PCCA: variants seen among roughly 807,000 people sequenced by gnomAD.
PCCA encodes propionyl-CoA carboxylase alpha chain, mitochondrial.
In PCCA, 74 loss-of-function variants were observed where a neutral mutation model predicts 101.3. That is an observed-to-expected ratio of 0.73 (90% CI 0.61 to 0.89). The LOEUF (loss-of-function observed/expected upper bound fraction) is 0.89. PCCA is among the 40% of genes least tolerant of loss of function. The pLI, the probability that PCCA is intolerant of heterozygous loss-of-function variation, is 0.00. For missense variants in PCCA, 891 were observed against 907.0 expected, an observed-to-expected ratio of 0.98 and a Z score of 0.23; for synonymous variants, 294 against 313.6, an observed-to-expected ratio of 0.94 and a Z score of 0.66.
intron 12 of PCCA, among the ~76,000 whole-genome samples, chr13:100,276,035 G>A (rs901961355): frequency 6.6e-6 from 1 of 151,794 alleles, no homozygotes; most frequent in African/African-American, 2.4e-5. Flanking sequence ...TTTGTTGACA[G>A]CCAATGACTT....
intron 12 of PCCA, among the ~76,000 whole-genome samples, chr13:100,300,715 G>T (rs1460501323): frequency 1.3e-5 from 2 of 152,230 alleles, no homozygotes; most frequent in Non-Finnish European, 2.9e-5. Flanking sequence ...CCAAGTTTAT[G>T]TTGACATGTA....
At chr13:100,185,395 G>A (rs1210954449) in intron 6 of PCCA, among the ~76,000 whole-genome samples, 2 of 151,324 alleles carry the variant, frequency 1.3e-5, no homozygotes, top group East Asian at 1.9e-4. Flanking sequence ...TGTCTCCCAG[G>A]CTGGAGTGCA....
At chr13:100,522,855 C>T (rs1028836101) in intron 22 of PCCA, among the ~76,000 whole-genome samples, 1 of 152,220 alleles carries the variant, frequency 6.6e-6, no homozygotes, top group African/African-American at 2.4e-5. Context: ...ACTGTGCAGT[C>T]ATCCTTTACA....
chr13:100,269,341 G>A lies in PCCA; in HGVS notation c.914+558G>A, dbSNP rs972595964. On this transcript the variant is annotated intron_variant, in intron 11 of 23. Coordinates refer to ENST00000376285, the MANE Select transcript of PCCA (RefSeq NM_000282.4). ...GAGAAAGTTGGGTAGACAGCCAACTGTGACTTCTGCAGGCTTCTAGGAAGT... is the reference window on the plus strand; with the variant it reads ...GAGAAAGTTGGGTAGACAGCCAACTATGACTTCTGCAGGCTTCTAGGAAGT... 1.1e-4 allele frequency among the ~76,000 whole-genome samples: 16 copies of A among 152,314 alleles called. No homozygotes were observed. In the Middle Eastern group the frequency reaches 0.01, roughly 97 times the overall value.
At position 100,368,525 on chromosome 13, in the gene PCCA, A is replaced by C. The variant is rs750322137; in HGVS notation, c.1697A>C (p.His566Pro). ...IANWELSVKL[H>P]DKVHTVVASN... ...AACTGGGAGCTCTCAGTAAAATTGC[A>C]TGATAAAGTTCATACCGTAGTAGCA... The change falls in exon 19 of 24, where the codon CAT (histidine) becomes CCT (proline). Residue 566 changes from histidine (H) to proline (P), a missense_variant. His to Pro is a moderately conservative substitution (Grantham distance 77). Transcript: ENST00000376285. The C allele has an allele frequency of 6.2e-7, 1 of 1,611,538 alleles. No individual in the cohort carries two copies. Among genetic ancestry groups the C allele is most frequent in the African/African-American group, 1.3e-5 (1 of 74,660 alleles).
intron 17 of PCCA, 105 bp downstream of exon 17, chr13:100,330,776 A>G (rs1264458305): frequency 5.7e-6 from 4 of 706,980 alleles, no homozygotes; most frequent in African/African-American, 1.8e-5. Flanking sequence ...TTTGGCTTAT[A>G]TTATACTTCA....
intron 21 of PCCA, among the ~76,000 whole-genome samples, chr13:100,482,787 G>A (rs569843788): frequency 4.3e-4 from 66 of 152,246 alleles, no homozygotes; most frequent in African/African-American, 1.6e-3. Flanking sequence ...TTGGGAGGTC[G>A]GGGCGGGCGG....
At chr13:100,268,834 T>A (rs752117560) in intron 11 of PCCA, 51 bp downstream of exon 11, 1 of 967,016 alleles carries the variant, frequency 1.0e-6, no homozygotes, top group East Asian at 2.5e-5. Flanking sequence ...TGCATTTCAT[T>A]CATTCATTCA....
At chr13:100,361,142 G>C (rs1176850138) in intron 18 of PCCA, among the ~76,000 whole-genome samples, 2 of 152,096 alleles carry the variant, frequency 1.3e-5, no homozygotes, top group Non-Finnish European at 2.9e-5. Context: ...ATTCGGGGGA[G>C]GGAGGGGAAA....
intron 21 of PCCA, chr13:100,491,923 A>C (rs1328803639): frequency 3.8e-6 from 1 of 261,060 alleles, no homozygotes; most frequent in Admixed American, 5.7e-5. Flanking sequence ...GAAGCACTGG[A>C]TGACTCTAAT....
intron 12 of PCCA, among the ~76,000 whole-genome samples, chr13:100,295,882 C>G (rs973572203): frequency 1.3e-5 from 2 of 152,152 alleles, no homozygotes; most frequent in Non-Finnish European, 2.9e-5. Flanking sequence ...TGACTTTTCC[C>G]CTTTTCCCTT....
intron 12 of PCCA, among the ~76,000 whole-genome samples, chr13:100,285,136 C>A (rs943968829): frequency 1.8e-4 from 27 of 152,146 alleles, no homozygotes; most frequent in Admixed American, 9.8e-4. Flanking sequence ...TCCTTGCCCT[C>A]AGACATTAAA....
intron 4 of PCCA, among the ~76,000 whole-genome samples, chr13:100,119,910 T>C (rs1276357637): frequency 6.6e-6 from 1 of 152,108 alleles, no homozygotes; most frequent in Non-Finnish European, 1.5e-5. Flanking sequence ...TTGCTCTTGT[T>C]GTCCAGGCTG....
intron 21 of PCCA, among the ~76,000 whole-genome samples, chr13:100,497,007 T>A (rs1252735530): frequency 2.6e-5 from 4 of 152,198 alleles, no homozygotes; most frequent in African/African-American, 9.7e-5. Flanking sequence ...ACAAGTGCAC[T>A]TGTTCTCACG....
In PCCA at chr13:100,308,145, G is replaced by A. The variant is rs550927025; in HGVS notation, c.1353+885G>A. ...TGGGATTACAGGCGTGAGCCACAATGGCCGGCCAGATTGTGGATTTTATTT... is the reference window on the plus strand; with the variant it reads ...TGGGATTACAGGCGTGAGCCACAATAGCCGGCCAGATTGTGGATTTTATTT... On this transcript the variant is annotated intron_variant, in intron 15 of 23. Transcript: ENST00000376285. Among the ~76,000 whole-genome samples, 213 of 152,256 alleles carry A rather than the reference G, an allele frequency of 1.4e-3. 1 individual carries two copies. Among genetic ancestry groups the A allele is most frequent in the African/African-American group, 4.9e-3 (202 of 41,548 alleles).
chr13:100,111,137 G>A (rs1020681184), intron 2 of PCCA, among the ~76,000 whole-genome samples: 7 of 149,134 alleles, frequency 4.7e-5, no homozygotes, highest in Non-Finnish European at 8.9e-5. Flanking sequence ...TCAGCCTCCC[G>A]AGTAGCTGAG....
intron 20 of PCCA, among the ~76,000 whole-genome samples, chr13:100,448,184 T>A (rs910202701): frequency 9.2e-5 from 14 of 152,200 alleles, no homozygotes; most frequent in Admixed American, 9.2e-4. Flanking sequence ...GAGCAAGTTT[T>A]TTTTGTTTTT....
chr13:100,196,579 C>G (rs1380220944), intron 6 of PCCA, among the ~76,000 whole-genome samples: 1 of 152,068 alleles, frequency 6.6e-6, no homozygotes, highest in African/African-American at 2.4e-5. Flanking sequence ...ACAGAATATA[C>G]TTTAGACTAA....
At position 100,172,140 on chromosome 13, in the gene PCCA, G is replaced by T. The variant is rs535565068; in HGVS notation, c.468+14800G>T. Among the ~76,000 whole-genome samples, 438 of 151,240 alleles carry T rather than the reference G, an allele frequency of 2.9e-3. 1 individual carries two copies. Among genetic ancestry groups the T allele is most frequent in the Non-Finnish European group, 4.7e-3 (320 of 67,908 alleles). ...TGCTTGAGCCCAGGAGATGGAGGCT[G>T]CAGTGAGCTGAGATTGCACCACTAC... On this transcript the variant is annotated intron_variant, in intron 6 of 23. Transcript: ENST00000376285.
Sources: gnomAD v4.1 joint callset for allele counts (sites outside exome capture counted in the v4.1 genomes callset) on GRCh38, gnomAD v4.1.1 for gene constraint, MANE v1.5 for transcripts, NCBI Gene and HGNC (gene_info 2026-07-23, HGNC 2026-07-21) for gene names.